The following TUBGCP4 variants were observed in gnomAD, a reference collection of about 807,000 sequenced individuals.
TUBGCP4 encodes the protein gamma-tubulin complex component 4.
In TUBGCP4, 54 loss-of-function variants were observed where a neutral mutation model predicts 91.6. The ratio of observed to expected loss-of-function variants is 0.59; its 90% CI spans 0.47 to 0.74. The LOEUF (loss-of-function observed/expected upper bound fraction) is 0.74, where lower values mean the gene tolerates loss of function less well. TUBGCP4 is among the 30% of genes least tolerant of loss of function. The pLI is 0.00. For missense variants in TUBGCP4, 593 were observed against 800.9 expected, an observed-to-expected ratio of 0.74 and a Z score of 3.13; for synonymous variants, 297 against 302.8, an observed-to-expected ratio of 0.98 and a Z score of 0.20.
At chr15:43,404,896 G>C (rs999707110) in intron 17 of TUBGCP4, 2 of 488,214 alleles carry the variant, frequency 4.1e-6, no homozygotes. Flanking sequence ...CCTAGCTTCC[G>C]CATCTGTGAA....
intron 7 of TUBGCP4, chr15:43,385,464 G>C (rs2044341343): frequency 2.2e-6 from 1 of 459,684 alleles, no homozygotes; most frequent in Non-Finnish European, 4.2e-6. Context: ...AAGACATAGA[G>C]AGAAGACCTG....
intron 13 of TUBGCP4, among the ~76,000 whole-genome samples, chr15:43,398,915 T>C (rs563093359): frequency 7.2e-5 from 11 of 152,292 alleles, no homozygotes; most frequent in East Asian, 3.9e-4. Context: ...CAATAAACAA[T>C]TGAAAAAGGC....
At position 43,403,818 on chromosome 15, in the gene TUBGCP4, A is replaced by G. The variant is rs779722526; in HGVS notation, c.1848+19A>G. 1 of 1,585,570 alleles carries G rather than the reference A, an allele frequency of 6.3e-7. No individual in the cohort carries two copies. The highest frequency in any genetic ancestry group is 1.1e-5 in the South Asian group (1 of 90,448). On this transcript the variant is annotated intron_variant, in intron 16 of 17. Transcript: ENST00000564079. ...CGTGAAGGTGCGTCTGCCTGGAAGTATGCAGCCTTGCCGAAAGGACAGAGG... is the reference window on the plus strand; with the variant it reads ...CGTGAAGGTGCGTCTGCCTGGAAGTGTGCAGCCTTGCCGAAAGGACAGAGG...
At chr15:43,394,656 G>A (rs2044550760) in intron 9 of TUBGCP4, 1 of 154,126 alleles carries the variant, frequency 6.5e-6, no homozygotes, top group South Asian at 2.0e-4. Context: ...GGTTCGTGGA[G>A]CAGTTTCTCA....
At chr15:43,377,806 C>G in intron 4 of TUBGCP4, 41 bp from the exon 5 acceptor site, 2 of 1,490,146 alleles carry the variant, frequency 1.3e-6, no homozygotes, top group Non-Finnish European at 1.8e-6. Flanking sequence ...TTTTCCCTTA[C>G]ATTTGATTAC....
At position 43,408,614 on chromosome 15, in the gene TUBGCP4, G is replaced by T; in HGVS notation, c.*3400G>T. On this transcript the variant is annotated 3_prime_UTR_variant, in exon 18 of 18. Coordinates refer to ENST00000564079, the MANE Select transcript of TUBGCP4 (RefSeq NM_014444.5). ...AGAATAATCCAAATCATGCTCCTGA[G>T]CCTATATATTTTTAATGCTTGCTTA... 1 of 414,692 alleles carries T rather than the reference G, an allele frequency of 2.4e-6. No individual in the cohort carries two copies. Among genetic ancestry groups the T allele is most frequent in the Non-Finnish European group, 4.5e-6 (1 of 224,208 alleles). The allele number at this position is 414,692 out of a possible 1,614,324, so 25.7% of individuals were successfully genotyped here.
chr15:43,379,412 C>T (rs1210569364), intron 5 of TUBGCP4, among the ~76,000 whole-genome samples: 2 of 152,116 alleles, frequency 1.3e-5, no homozygotes, highest in Non-Finnish European at 2.9e-5. Flanking sequence ...GAGGCCGAGG[C>T]GGGCGGACCA....
Position 43,401,708 on chromosome 15 carries a change from T to C in TUBGCP4, c.1597-8T>C, listed in dbSNP as rs745344106. ...CAAAGTGCTAAAATTTTTTGTAATG[T>C]CTATCAGGTAGATGTGTTGGAGTCT... On this transcript the variant is annotated splice_region_variant and splice_polypyrimidine_tract_variant and intron_variant, in intron 14 of 17. Transcript: ENST00000564079. 87 of 1,613,420 alleles carry C rather than the reference T, an allele frequency of 5.4e-5. No individual in the cohort carries two copies. The highest frequency in any genetic ancestry group is 6.9e-5 in the Non-Finnish European group (81 of 1,179,832).
At position 43,406,748 on chromosome 15, in the gene TUBGCP4, C is replaced by T; in HGVS notation, c.*1534C>T. On this transcript the variant is annotated 3_prime_UTR_variant, in exon 18 of 18. Transcript: ENST00000564079. ...CTTTGACTAGAACGTGTAACATTTC[C>T]AGGTGTTCTCACTTGTGCTTCCCAT... The T allele has an allele frequency of 2.6e-6, 1 of 385,734 alleles. No homozygotes were observed. Among genetic ancestry groups the T allele is most frequent in the Non-Finnish European group, 5.1e-6 (1 of 195,944 alleles). 23.9% of individuals were successfully genotyped at this position (385,734 alleles called of 1,614,324 possible).
Position 43,408,769 on chromosome 15 carries a change from AC to A in TUBGCP4, c.*3558del. 1 of 894,750 alleles carries A rather than the reference AC, an allele frequency of 1.1e-6. No homozygotes were observed. Among genetic ancestry groups the A allele is most frequent in the Non-Finnish European group, 1.7e-6 (1 of 584,230 alleles). The allele number at this position is 894,750 out of a possible 1,614,324, so 55.4% of individuals were successfully genotyped here. On this transcript the variant is annotated 3_prime_UTR_variant, in exon 18 of 18. Transcript: ENST00000564079. ...AGATAAACTCCTGAAGTCATTTCAA[AC>A]CCACTCAAATTTATCCCACAGACAT... is the stretch of plus-strand genomic sequence containing the variant.
rs935157974 is a variant in TUBGCP4, at chr15:43,407,881, T to TAACA, written c.*2668_*2671dup. The TAACA allele has an allele frequency of 1.2e-5, 18 of 1,527,016 alleles. No homozygotes were observed. Among genetic ancestry groups the TAACA allele is most frequent in the Middle Eastern group, 3.5e-4 (2 of 5,784 alleles). 94.6% of individuals were successfully genotyped at this position (1,527,016 alleles called of 1,614,324 possible). A position where few individuals can be genotyped will look rare whatever the true frequency, so the allele number is the denominator to read the frequency against. ...GGCCTGAGCCTTGGACCACAAGGCC[T>TAACA]AACACCTACAGGTCTAAGGAGATCC... On this transcript the variant is annotated 3_prime_UTR_variant, in exon 18 of 18. Transcript: ENST00000564079.
Position 43,383,374 on chromosome 15 carries a change from A to G in TUBGCP4, c.593A>G (p.Asp198Gly), listed in dbSNP as rs767331589. 6.2e-7 allele frequency: 1 copy of G among 1,614,170 alleles called. No individual in the cohort carries two copies. Among genetic ancestry groups the G allele is most frequent in the South Asian group, 1.1e-5 (1 of 91,084 alleles). The change falls in exon 7 of 18, where the codon GAC (aspartate) becomes GGC (glycine). Residue 198 changes from aspartate (D) to glycine (G), a missense_variant. Physicochemically the swap from Asp to Gly is moderately conservative, Grantham distance 94. Transcript: ENST00000564079. ...TGGATGCTCCATGGACTCCTCTTGG[A>G]CCAGCATGAAGAATTCTTTATCAAA... The part of the protein sequence containing the change: ...SAWMLHGLLL[D>G]QHEEFFIKQG...
chr15:43,403,602 A>T, intron 15 of TUBGCP4, 81 bp from the exon 16 acceptor site: 2 of 1,032,816 alleles, frequency 1.9e-6, no homozygotes, highest in Non-Finnish European at 1.5e-6. Flanking sequence ...ATCAGCTATT[A>T]ATCAGACTGT....
At chr15:43,373,256 C>T (rs1432310575) in intron 1 of TUBGCP4, among the ~76,000 whole-genome samples, 1 of 152,200 alleles carries the variant, frequency 6.6e-6, no homozygotes, top group African/African-American at 2.4e-5. Flanking sequence ...CAGGATTTCT[C>T]AGCCTGTTCC....
rs553515359 is a variant in TUBGCP4 at position 43,371,524 on chromosome 15, C to T, written c.78+92C>T. 7.5e-6 allele frequency: 10 copies of T among 1,339,862 alleles called. No homozygotes were observed. In the South Asian group the frequency reaches 1.2e-4, roughly 16 times the overall value. 83.0% of individuals were successfully genotyped at this position (1,339,862 alleles called of 1,614,324 possible). On this transcript the variant is annotated intron_variant, in intron 1 of 17. Coordinates refer to ENST00000564079, the MANE Select transcript of TUBGCP4 (RefSeq NM_014444.5). The stretch of plus-strand genomic sequence containing the variant: ...GGAGTAGGCTGAGGGACCTAGCGAG[C>T]GGGGCTTCCAGGGCTGGGGGCGTAT...
intron 4 of TUBGCP4, chr15:43,377,621 A>G (rs2044226074): frequency 2.1e-6 from 1 of 467,848 alleles, no homozygotes; most frequent in Non-Finnish European, 3.7e-6. Flanking sequence ...CAAAAAAAAA[A>G]AAAAAAAGAA....
intron 15 of TUBGCP4, 149 bp from the exon 16 acceptor site, chr15:43,403,531 GGCA>G (rs1433291078): frequency 1.3e-5 from 8 of 605,850 alleles, no homozygotes; most frequent in Admixed American, 1.2e-4. Context: ...CTGAGGGGCT[GGCA>G]GGCCTTGCAC....
chr15:43,408,287 G>A lies in TUBGCP4; in HGVS notation c.*3073G>A. On this transcript the variant is annotated 3_prime_UTR_variant, in exon 18 of 18. Transcript: ENST00000564079. ...GGGCCTGGGAGTTCGAGACCAGCCT[G>A]GGCAATGTGGTGAGACCCCATCTCT... The A allele has an allele frequency of 1.8e-6, 1 of 544,540 alleles. No individual in the cohort carries two copies. The highest frequency in any genetic ancestry group is 3.2e-6 in the Non-Finnish European group (1 of 308,230). The allele number at this position is 544,540 out of a possible 1,614,324, so 33.7% of individuals were successfully genotyped here. A position where few individuals can be genotyped will look rare whatever the true frequency, so the allele number is the denominator to read the frequency against.
At chr15:43,386,129 G>A in intron 8 of TUBGCP4, 77 bp from the exon 9 acceptor site, 1 of 1,546,264 alleles carries the variant, frequency 6.5e-7, no homozygotes, top group Non-Finnish European at 8.7e-7. Flanking sequence ...GCCCCACTGA[G>A]ATTAGCCCTC....
Sources: gnomAD v4.1 joint callset for allele counts (sites outside exome capture counted in the v4.1 genomes callset) on GRCh38, gnomAD v4.1.1 for gene constraint, MANE v1.5 for transcripts, NCBI Gene and HGNC (gene_info 2026-07-23, HGNC 2026-07-21) for gene names.